Variants in BRAF observed in about 807,000 individuals in gnomAD.
BRAF encodes the protein serine/threonine-protein kinase B-raf.
Under a neutral mutation model 104.6 loss-of-function variants are expected in BRAF, and 16 were observed. The ratio of observed to expected loss-of-function variants is 0.15; its 90% CI spans 0.10 to 0.23. The LOEUF (loss-of-function observed/expected upper bound fraction) is 0.23. Ranked by LOEUF, BRAF falls within the 10% of genes least tolerant of loss-of-function variation. The probability of loss-of-function intolerance (pLI) is 1.00; values close to 1 mark genes in which losing one functional copy is unlikely to be tolerated. For missense variants in BRAF, 541 were observed against 937.3 expected, an observed-to-expected ratio of 0.58 and a Z score of 5.52; for synonymous variants, 310 against 341.6, an observed-to-expected ratio of 0.91 and a Z score of 1.02.
chr7:140,907,928 A>G (rs1299555908), intron 1 of BRAF, among the ~76,000 whole-genome samples: 3 of 151,956 alleles, frequency 2.0e-5, no homozygotes, highest in Non-Finnish European at 4.4e-5. Context: ...TATTTTTAGT[A>G]GAGACAAAGT....
At chr7:140,792,606 C>A (rs1802099233) in intron 8 of BRAF, among the ~76,000 whole-genome samples, 1 of 152,298 alleles carries the variant, frequency 6.6e-6, no homozygotes, top group South Asian at 2.1e-4. Context: ...CCCTTCTCTG[C>A]TCAATGTTCC....
rs956532354 is a variant in BRAF, at chr7:140,822,168, GA to G, written c.504+12440del. 6.7e-4 allele frequency among the ~76,000 whole-genome samples: 101 copies of G among 150,686 alleles called. 1 individual carries two copies. Among genetic ancestry groups the G allele is most frequent in the Non-Finnish European group, 5.0e-4 (34 of 67,560 alleles). ...ACCTCCTGAATCTAAAATAAAAGTT[GA>G]AAAAAAAATTTTAATAATAATTCTT... On this transcript the variant is annotated intron_variant, in intron 3 of 19. Coordinates refer to ENST00000644969, the MANE Select transcript of BRAF (RefSeq NM_001374258.1).
chr7:140,916,516 C>T (rs552380411), intron 1 of BRAF, among the ~76,000 whole-genome samples: 10 of 152,312 alleles, frequency 6.6e-5, no homozygotes, highest in African/African-American at 1.9e-4. Context: ...TTGACACTTT[C>T]GGTGACTTTT....
intron 1 of BRAF, among the ~76,000 whole-genome samples, chr7:140,905,072 T>TC (rs1816150936): frequency 6.6e-6 from 1 of 152,194 alleles, no homozygotes; most frequent in Non-Finnish European, 1.5e-5. Flanking sequence ...ACTCAGTCAA[T>TC]TTTCCCCCCA....
At chr7:140,797,147 G>A (rs1802575395) in intron 7 of BRAF, among the ~76,000 whole-genome samples, 1 of 152,056 alleles carries the variant, frequency 6.6e-6, no homozygotes, top group Non-Finnish European at 1.5e-5. Flanking sequence ...CTTTAAAGCA[G>A]TACCAAATTA....
chr7:140,740,692 TA>T (rs1251127511), intron 17 of BRAF: 8 of 152,244 alleles, frequency 5.3e-5, no homozygotes, highest in African/African-American at 1.4e-4. Context: ...GAGTAGAGGC[TA>T]AAGTGGAGAA....
chr7:140,846,003 C>T (rs1031584708), intron 2 of BRAF, among the ~76,000 whole-genome samples: 6 of 151,958 alleles, frequency 3.9e-5, no homozygotes, highest in Middle Eastern at 3.4e-3. Context: ...TTTAATCAAC[C>T]GAAAATAATA....
At chr7:140,728,065 C>T (rs1368534067) in intron 19 of BRAF, among the ~76,000 whole-genome samples, 1 of 152,192 alleles carries the variant, frequency 6.6e-6, no homozygotes, top group Non-Finnish European at 1.5e-5. Context: ...ACTGGCACAT[C>T]CCAACAACAG....
At chr7:140,911,631 T>C (rs533619228) in intron 1 of BRAF, among the ~76,000 whole-genome samples, 2 of 152,202 alleles carry the variant, frequency 1.3e-5, no homozygotes, top group South Asian at 4.2e-4. Flanking sequence ...GTATTTCAGG[T>C]GGTAGGAAAA....
chr7:140,852,096 T>C (rs757960849), intron 1 of BRAF, among the ~76,000 whole-genome samples: 25 of 152,138 alleles, frequency 1.6e-4, no homozygotes, highest in South Asian at 8.3e-4. Context: ...TGGCCTAGCA[T>C]AGTGGCTCAC....
chr7:140,797,121 A>G (rs1802572752), intron 7 of BRAF, among the ~76,000 whole-genome samples: 3 of 152,166 alleles, frequency 2.0e-5, no homozygotes, highest in Admixed American at 2.0e-4. Context: ...ACCTGTACCT[A>G]TCTTGCAGTA....
intron 1 of BRAF, among the ~76,000 whole-genome samples, chr7:140,851,449 A>G (rs1450086412): frequency 6.6e-6 from 1 of 152,240 alleles, no homozygotes; most frequent in Non-Finnish European, 1.5e-5. Context: ...AAATGAAAAA[A>G]AAGAGTTCCA....
intron 2 of BRAF, among the ~76,000 whole-genome samples, chr7:140,848,867 G>A (rs1395918703): frequency 1.3e-5 from 2 of 152,128 alleles, no homozygotes; most frequent in African/African-American, 4.8e-5. Flanking sequence ...AAAGAAAACA[G>A]CATATTAGCT....
intron 14 of BRAF, among the ~76,000 whole-genome samples, chr7:140,769,408 G>A (rs902641605): frequency 2.6e-5 from 4 of 152,086 alleles, no homozygotes; most frequent in African/African-American, 9.7e-5. Context: ...GTTTGTACTT[G>A]ATTCCTGGAG....
chr7:140,748,146 G>C (rs1797502376), intron 17 of BRAF, among the ~76,000 whole-genome samples: 2 of 152,210 alleles, frequency 1.3e-5, no homozygotes, highest in South Asian at 4.1e-4. Flanking sequence ...GGTAACTTAA[G>C]AGATTATTTC....
At chr7:140,855,936 T>C (rs1809730211) in intron 1 of BRAF, among the ~76,000 whole-genome samples, 1 of 151,710 alleles carries the variant, frequency 6.6e-6, no homozygotes, top group Non-Finnish European at 1.5e-5. Flanking sequence ...GAGAATCTCT[T>C]GAACTTGGGA....
intron 1 of BRAF, among the ~76,000 whole-genome samples, chr7:140,919,735 A>T (rs1308121370): frequency 6.6e-6 from 1 of 152,216 alleles, no homozygotes; most frequent in Non-Finnish European, 1.5e-5. Context: ...TAACCTTATG[A>T]TTTTAAAAAG....
rs761120820 is a variant in BRAF, at chr7:140,781,616, T to C, written c.1512A>G (p.Gly504=). 1.2e-6 allele frequency: 2 copies of C among 1,614,114 alleles called. No homozygotes were observed. The highest frequency in any genetic ancestry group is 1.7e-6 in the Non-Finnish European group (2 of 1,179,996). Residue 504 remains glycine, a synonymous_variant, in exon 12 of 20, where the codon GGA becomes GGG. Transcript: ENST00000644969. The stretch of plus-strand genomic sequence containing the variant: ...TGTAGACTGTTCCAAATGATCCAGA[T>C]CCAATTCTTTGTCCCACTGTAATCT... ...DGQITVGQRI[G]SGSFGTVYKG...
intron 14 of BRAF, chr7:140,758,235 G>A (rs1386836510): frequency 6.6e-6 from 1 of 152,152 alleles, no homozygotes; most frequent in Non-Finnish European, 1.5e-5. Context: ...AGTGGTGACA[G>A]TGCCAAATTA....
Sources: gnomAD v4.1 joint callset for allele counts (sites outside exome capture counted in the v4.1 genomes callset) on GRCh38, gnomAD v4.1.1 for gene constraint, MANE v1.5 for transcripts, NCBI Gene and HGNC (gene_info 2026-07-23, HGNC 2026-07-21) for gene names.